TIAM1: variants seen among roughly 807,000 people sequenced by gnomAD.
The protein encoded by TIAM1 is TIAM Rac1 associated GEF 1.
A neutral mutation model predicts 163.5 loss-of-function variants in TIAM1; 65 were observed. That is an observed-to-expected ratio of 0.40 (90% CI 0.33 to 0.49). The LOEUF is 0.49. Ranked by LOEUF, TIAM1 falls within the 20% of genes least tolerant of loss-of-function variation. TIAM1 has a pLI of 0.77. For synonymous variants in TIAM1, 833 were observed against 810.1 expected, an observed-to-expected ratio of 1.03 and a Z score of -0.48; for missense variants, 1,789 against 2,044.7, an observed-to-expected ratio of 0.87 and a Z score of 2.41.
At chr21:31,154,465 AT>A in intron 16 of TIAM1, 39 bp from the exon 17 acceptor site, 1 of 1,595,522 alleles carries the variant, frequency 6.3e-7, no homozygotes, top group Non-Finnish European at 8.6e-7. Context: ...AGAGGTCATT[AT>A]CCCTCATTAG....
chr21:31,401,388 G>A (rs2077162078), intron 2 of TIAM1, among the ~76,000 whole-genome samples: 1 of 152,162 alleles, frequency 6.6e-6, no homozygotes, highest in Non-Finnish European at 1.5e-5. Context: ...AAAGCTGGAA[G>A]CTAACACTAG....
At chr21:31,416,028 G>A (rs538218581) in intron 2 of TIAM1, among the ~76,000 whole-genome samples, 3 of 152,302 alleles carry the variant, frequency 2.0e-5, no homozygotes, top group South Asian at 2.1e-4. Context: ...CTTCCCTAAT[G>A]AGAAGCTTTC....
intron 2 of TIAM1, among the ~76,000 whole-genome samples, chr21:31,325,937 T>C (rs2075473245): frequency 6.6e-6 from 1 of 152,182 alleles, no homozygotes; most frequent in Non-Finnish European, 1.5e-5. Context: ...AGAAATTGTT[T>C]AAAATGGAGC....
intron 2 of TIAM1, among the ~76,000 whole-genome samples, chr21:31,438,859 C>T (rs2044316806): frequency 6.6e-6 from 1 of 152,182 alleles, no homozygotes; most frequent in South Asian, 2.1e-4. Context: ...ACAACAACCC[C>T]ACTATGACAA....
intron 2 of TIAM1, among the ~76,000 whole-genome samples, chr21:31,463,691 A>T (rs1015344482): frequency 2.0e-5 from 3 of 151,564 alleles, no homozygotes; most frequent in Non-Finnish European, 2.9e-5. Context: ...TGTGGCGGGC[A>T]CCTGTAATCC....
chr21:31,350,082 C>A (rs2076209770), intron 2 of TIAM1, among the ~76,000 whole-genome samples: 1 of 152,222 alleles, frequency 6.6e-6, no homozygotes, highest in African/African-American at 2.4e-5. Context: ...AAGTACAGTT[C>A]TGGCACTAGT....
chr21:31,145,141 A>C (rs1289246991), intron 20 of TIAM1, among the ~76,000 whole-genome samples: 3 of 152,200 alleles, frequency 2.0e-5, no homozygotes, highest in Non-Finnish European at 4.4e-5. Context: ...CCAACACAGC[A>C]CACGGGAAAG....
At position 31,432,091 on chromosome 21, in the gene TIAM1, C is replaced by CTTTTTT. The variant is rs11291911; in HGVS notation, c.-369+31886_-369+31891dup. Reference sequence around the variant, plus strand: ...TGAACATGTCAAAAATCTAAGATTCCTTTTTTTTTTTTTTTTTTTTTTTTT... The same window carrying CTTTTTT: ...TGAACATGTCAAAAATCTAAGATTCCTTTTTTTTTTTTTTTTTTTTTTTTTTTTTTT... On this transcript the variant is annotated intron_variant, in intron 2 of 28. Coordinates refer to the TIAM1 transcript ENST00000286827. Among the ~76,000 whole-genome samples the CTTTTTT allele has an allele frequency of 7.6e-4, 71 of 93,664 alleles. 8 individuals carry two copies. Among genetic ancestry groups the CTTTTTT allele is most frequent in the African/African-American group, 2.8e-3 (60 of 21,780 alleles). 61.4% of individuals were successfully genotyped at this position (93,664 alleles called of 152,430 possible). A position where few individuals can be genotyped will look rare whatever the true frequency, so the allele number is the denominator to read the frequency against.
chr21:31,396,752 C>T (rs1195307993), intron 2 of TIAM1, among the ~76,000 whole-genome samples: 1 of 151,886 alleles, frequency 6.6e-6, no homozygotes, highest in Admixed American at 6.6e-5. Context: ...GAGCTCAAGA[C>T]CAGCCTGGCT....
intron 2 of TIAM1, among the ~76,000 whole-genome samples, chr21:31,463,132 G>A (rs1406061386): frequency 1.3e-5 from 2 of 152,152 alleles, no homozygotes; most frequent in Non-Finnish European, 2.9e-5. Context: ...TGCTCTACCA[G>A]GGAGTGACCT....
intron 14 of TIAM1, among the ~76,000 whole-genome samples, chr21:31,185,380 CATAATTATAT>C (rs1046315906): frequency 2.1e-5 from 3 of 143,590 alleles, no homozygotes; most frequent in Admixed American, 7.1e-5. Flanking sequence ...AATTGCACAT[CATAATTATAT>C]ATAATTATGC....
chr21:31,176,430 A>C (rs981302716), intron 15 of TIAM1, among the ~76,000 whole-genome samples: 2 of 152,070 alleles, frequency 1.3e-5, no homozygotes, highest in Non-Finnish European at 2.9e-5. Flanking sequence ...TAAAAAAAAA[A>C]CCAAAACAGA....
chr21:31,503,664 C>A (rs1400163577), intron 1 of TIAM1, among the ~76,000 whole-genome samples: 1 of 112,664 alleles, frequency 8.9e-6, no homozygotes, highest in African/African-American at 3.4e-5. Flanking sequence ...CTGACAAAAC[C>A]AAAACGGCAG....
At chr21:31,162,101 A>T (rs749324325) in intron 16 of TIAM1, among the ~76,000 whole-genome samples, 52 of 152,346 alleles carry the variant, frequency 3.4e-4, no homozygotes, top group Middle Eastern at 3.4e-3. Flanking sequence ...GTTTTAACAT[A>T]GCCACTAACA....
chr21:31,496,940 A>G (rs1028872274), intron 1 of TIAM1, among the ~76,000 whole-genome samples: 67 of 152,316 alleles, frequency 4.4e-4, no homozygotes, highest in African/African-American at 1.6e-3. Flanking sequence ...TCTCATAAGG[A>G]GCACGCAACC....
intron 2 of TIAM1, among the ~76,000 whole-genome samples, chr21:31,435,616 T>A (rs574360280): frequency 6.6e-6 from 1 of 152,104 alleles, no homozygotes; most frequent in African/African-American, 2.4e-5. Flanking sequence ...AAATGAAAAA[T>A]TGGCCTAGTG....
At chr21:31,142,748 G>A (rs111530348) in intron 20 of TIAM1, among the ~76,000 whole-genome samples, 1,975 of 152,216 alleles carry the variant, frequency 0.013, 15 homozygotes, top group Middle Eastern at 0.02. Flanking sequence ...GATCTCCCAC[G>A]GTGATCTACT....
chr21:31,162,089 T>C (rs1403579564), intron 16 of TIAM1, among the ~76,000 whole-genome samples: 1 of 152,172 alleles, frequency 6.6e-6, no homozygotes, highest in Non-Finnish European at 1.5e-5. Flanking sequence ...GGACACAAGG[T>C]AGTTTTAACA....
intron 16 of TIAM1, among the ~76,000 whole-genome samples, chr21:31,157,900 C>T (rs773761804): frequency 2.0e-5 from 3 of 152,204 alleles, no homozygotes; most frequent in Admixed American, 6.5e-5. Flanking sequence ...TCGTGATTCA[C>T]GAAAGGCAAA....
Sources: allele counts gnomAD v4.1 joint callset (sites outside exome capture counted in the v4.1 genomes callset), GRCh38; gene constraint gnomAD v4.1.1; transcripts MANE v1.5; gene names NCBI Gene and HGNC (gene_info 2026-07-23, HGNC 2026-07-21).